Variants in ERBB4 observed in about 807,000 individuals in gnomAD.
The protein encoded by ERBB4 is receptor tyrosine-protein kinase erbB-4.
In ERBB4, 42 loss-of-function variants were observed where a neutral mutation model predicts 158.0. The observed-to-expected ratio is 0.27, with a 90% confidence interval of 0.21 to 0.34. ERBB4 has a LOEUF of 0.34. Ranked by LOEUF, ERBB4 falls within the 10% of genes least tolerant of loss-of-function variation. The pLI is 1.00. For synonymous variants in ERBB4, 583 were observed against 558.7 expected, an observed-to-expected ratio of 1.04 and a Z score of -0.61; for missense variants, 1,333 against 1,624.1, an observed-to-expected ratio of 0.82 and a Z score of 3.08.
chr2:212,305,573 CA>C (rs149644422), intron 1 of ERBB4, among the ~76,000 whole-genome samples: 2 of 150,274 alleles, frequency 1.3e-5, no homozygotes, highest in East Asian at 3.9e-4. Flanking sequence ...TGAATCAAAG[CA>C]AAAAAAACCT....
intron 3 of ERBB4, among the ~76,000 whole-genome samples, chr2:211,923,375 C>A (rs528226890): frequency 6.6e-6 from 1 of 152,138 alleles, no homozygotes; most frequent in South Asian, 2.1e-4. Context: ...TTTGGTTAAA[C>A]AATGTTAAGA....
intron 3 of ERBB4, among the ~76,000 whole-genome samples, chr2:211,853,263 A>ATAG (rs1275247708): frequency 2.0e-5 from 3 of 151,928 alleles, no homozygotes; most frequent in Non-Finnish European, 4.4e-5. Context: ...TCACTTACCT[A>ATAG]TAGTACATCA....
chr2:212,353,326 TA>T (rs2106345316), intron 1 of ERBB4, among the ~76,000 whole-genome samples: 1 of 150,928 alleles, frequency 6.6e-6, no homozygotes, highest in Non-Finnish European at 1.5e-5. Flanking sequence ...CAAATGTATA[TA>T]ATATATGCAA....
intron 3 of ERBB4, among the ~76,000 whole-genome samples, chr2:211,843,875 G>A (rs76546591): frequency 7.9e-5 from 12 of 152,066 alleles, no homozygotes; most frequent in East Asian, 7.7e-4. Context: ...ATAAGAAAAC[G>A]TGACTTTCTT....
intron 3 of ERBB4, among the ~76,000 whole-genome samples, chr2:211,905,738 G>GTATATATATATATATATATATATA (rs1469524984): frequency 2.8e-5 from 3 of 108,226 alleles, no homozygotes; most frequent in African/African-American, 1.1e-4. Flanking sequence ...GTGTGTGCAT[G>GTATATATATATATATATATATATA]TGTGTGTATA....
chr2:212,375,330 AAG>A (rs1241407577), intron 1 of ERBB4, among the ~76,000 whole-genome samples: 6 of 152,150 alleles, frequency 3.9e-5, no homozygotes, highest in Middle Eastern at 3.2e-3. Flanking sequence ...CTTAGATTCA[AAG>A]AGTTACATGT....
chr2:212,470,048 T>C (rs1270513547), intron 1 of ERBB4, among the ~76,000 whole-genome samples: 2 of 152,104 alleles, frequency 1.3e-5, no homozygotes, highest in Non-Finnish European at 2.9e-5. Flanking sequence ...GTACATACAG[T>C]CTTCAATATC....
At chr2:212,433,319 G>A (rs1264507478) in intron 1 of ERBB4, among the ~76,000 whole-genome samples, 1 of 151,914 alleles carries the variant, frequency 6.6e-6, no homozygotes, top group Non-Finnish European at 1.5e-5. Flanking sequence ...TATAAAAGAA[G>A]AGAAAATTTT....
At chr2:211,796,676 C>T (rs955606128) in intron 3 of ERBB4, among the ~76,000 whole-genome samples, 5 of 151,856 alleles carry the variant, frequency 3.3e-5, no homozygotes, top group African/African-American at 1.2e-4. Context: ...TTGCACTTCC[C>T]TAGTGACTAC....
intron 1 of ERBB4, among the ~76,000 whole-genome samples, chr2:212,429,724 T>A: frequency 6.6e-6 from 1 of 151,228 alleles, no homozygotes; most frequent in Admixed American, 6.6e-5. Flanking sequence ...GATGAAACCA[T>A]GGCAGTTAGA....
intron 3 of ERBB4, among the ~76,000 whole-genome samples, chr2:211,840,123 C>G (rs182432273): frequency 6.6e-6 from 1 of 152,094 alleles, no homozygotes; most frequent in South Asian, 2.1e-4. Context: ...ATAATTCCCA[C>G]GTGTTGTGGG....
intron 3 of ERBB4, among the ~76,000 whole-genome samples, chr2:211,816,715 C>A (rs1193783343): frequency 1.3e-5 from 2 of 152,032 alleles, no homozygotes; most frequent in African/African-American, 4.8e-5. Flanking sequence ...CATAAACGGA[C>A]CACCACCACT....
chr2:211,545,975 T>C (rs2066930364), intron 20 of ERBB4, among the ~76,000 whole-genome samples: 1 of 152,136 alleles, frequency 6.6e-6, no homozygotes. Flanking sequence ...CTTCTTCATG[T>C]GCTCATCACC....
intron 20 of ERBB4, among the ~76,000 whole-genome samples, chr2:211,461,545 C>T (rs1479646549): frequency 6.6e-6 from 1 of 151,896 alleles, no homozygotes; most frequent in Non-Finnish European, 1.5e-5. Context: ...CAATATCTGG[C>T]CTCTAAGAAA....
At chr2:211,583,237 T>TA (rs1402273349) in intron 19 of ERBB4, among the ~76,000 whole-genome samples, 1 of 151,988 alleles carries the variant, frequency 6.6e-6, no homozygotes, top group Non-Finnish European at 1.5e-5. Context: ...AGCCATATTC[T>TA]AAAAATAATA....
At chr2:212,263,083 A>AGAAGATAAG (rs2085003113) in intron 1 of ERBB4, among the ~76,000 whole-genome samples, 1 of 152,144 alleles carries the variant, frequency 6.6e-6, no homozygotes, top group African/African-American at 2.4e-5. Flanking sequence ...AGAAAAAAGG[A>AGAAGATAAG]GAAGATAAGG....
chr2:212,274,384 T>C (rs1273389745), intron 1 of ERBB4, among the ~76,000 whole-genome samples: 1 of 151,848 alleles, frequency 6.6e-6, no homozygotes, highest in Non-Finnish European at 1.5e-5. Flanking sequence ...AGGAGAACTG[T>C]GACAGATCAC....
intron 3 of ERBB4, among the ~76,000 whole-genome samples, chr2:211,911,038 A>G (rs1467162908): frequency 6.6e-6 from 1 of 152,188 alleles, no homozygotes; most frequent in Admixed American, 6.5e-5. Context: ...TGAGAACAAA[A>G]TACATTTATT....
chr2:212,258,250 T>C (rs1218058587), intron 1 of ERBB4, among the ~76,000 whole-genome samples: 1 of 151,874 alleles, frequency 6.6e-6, no homozygotes, highest in Non-Finnish European at 1.5e-5. Flanking sequence ...TCATGCATTT[T>C]ATTTGTTTTC....
Sources: allele counts gnomAD v4.1 joint callset (sites outside exome capture counted in the v4.1 genomes callset), GRCh38; gene constraint gnomAD v4.1.1; transcripts MANE v1.5; gene names NCBI Gene and HGNC (gene_info 2026-07-23, HGNC 2026-07-21).